Variants in ERI3 observed in about 807,000 individuals in gnomAD.
ERI3 encodes ERI1 exoribonuclease 3.
ERI3 carries 18 observed loss-of-function variants against 44.4 expected under a neutral mutation model. The ratio of observed to expected loss-of-function variants is 0.41; its 90% confidence interval spans 0.28 to 0.60. ERI3 has a LOEUF of 0.60. Ranked by LOEUF, ERI3 falls within the 20% of genes least tolerant of loss-of-function variation. ERI3 has a pLI of 0.36. For missense variants in ERI3, 294 were observed against 435.5 expected, an observed-to-expected ratio of 0.68 and a Z score of 2.89; for synonymous variants, 183 against 164.8, an observed-to-expected ratio of 1.11 and a Z score of -0.84.
chr1:44,333,059 A>C (rs1319023922), intron 3 of ERI3, among the ~76,000 whole-genome samples: 1 of 152,228 alleles, frequency 6.6e-6, no homozygotes, highest in African/African-American at 2.4e-5. Flanking sequence ...GAGCCTGTAC[A>C]AGAACACTTA....
intron 2 of ERI3, among the ~76,000 whole-genome samples, chr1:44,347,905 G>T (rs1646816357): frequency 6.6e-6 from 1 of 151,848 alleles, no homozygotes; most frequent in African/African-American, 2.4e-5. Flanking sequence ...GTGTGTGTGT[G>T]TTTTAATCTA....
intron 2 of ERI3, among the ~76,000 whole-genome samples, chr1:44,342,857 A>ATATATT (rs1646709018): frequency 5.2e-5 from 1 of 19,176 alleles, no homozygotes; most frequent in African/African-American, 2.0e-4. Context: ...ATATATATAT[A>ATATATT]TTTTTTTTTT....
At chr1:44,233,300 C>T (rs933509984) in intron 8 of ERI3, among the ~76,000 whole-genome samples, 1 of 152,100 alleles carries the variant, frequency 6.6e-6, no homozygotes, top group Non-Finnish European at 1.5e-5. Context: ...CCCATGCAAA[C>T]AATCTTATCT....
intron 8 of ERI3, among the ~76,000 whole-genome samples, chr1:44,236,454 G>A (rs866911945): frequency 5.9e-5 from 9 of 152,238 alleles, no homozygotes; most frequent in Middle Eastern, 6.8e-3. Flanking sequence ...AAAAGTACAC[G>A]GGGAAAGGGG....
Position 44,352,857 on chromosome 1 carries a change from T to C in ERI3, c.204A>G (p.Val68=), listed in dbSNP as rs747247749. 29 of 1,614,148 alleles carry C rather than the reference T, an allele frequency of 1.8e-5. 1 individual carries two copies. The Middle Eastern group carries it at 4.1e-3, about 230-fold the overall frequency. ...SPAAGLGIFE[V]RRVLDASGCS... Reference sequence around the variant, plus strand: ...ATGCAACAGGATTCTCACCTCTCCTTACTTCGAAGATGCCAAGACCGGCAG... The same window carrying C: ...ATGCAACAGGATTCTCACCTCTCCTCACTTCGAAGATGCCAAGACCGGCAG... The change falls in exon 2 of 9, where the codon GTA becomes GTG. Residue 68 remains valine (V), a synonymous_variant. Coordinates refer to ENST00000372257, the MANE Select transcript of ERI3 (RefSeq NM_024066.3).
chr1:44,239,795 G>GGAGGGAGAA (rs1395260478), intron 8 of ERI3, among the ~76,000 whole-genome samples: 102 of 152,336 alleles, frequency 6.7e-4, no homozygotes, highest in African/African-American at 2.4e-3. Flanking sequence ...AGGAGGGAGA[G>GGAGGGAGAA]GAGGGAGAGG....
chr1:44,264,171 A>C (rs888933486), intron 7 of ERI3, among the ~76,000 whole-genome samples: 5 of 152,232 alleles, frequency 3.3e-5, no homozygotes, highest in Non-Finnish European at 7.3e-5. Flanking sequence ...AGAGCTAATA[A>C]ATCTTGCATG....
At chr1:44,304,809 T>A (rs1015737876) in intron 6 of ERI3, among the ~76,000 whole-genome samples, 1 of 152,192 alleles carries the variant, frequency 6.6e-6, no homozygotes, top group East Asian at 1.9e-4. Flanking sequence ...TGAAGTGAAC[T>A]TCAGGTCCAC....
In ERI3 at chr1:44,355,095, G is replaced by A. The variant is rs909633986; in HGVS notation, c.-69C>T. 9.5e-6 allele frequency: 12 copies of A among 1,262,754 alleles called. No individual in the cohort carries two copies. Among genetic ancestry groups the A allele is most frequent in the African/African-American group, 3.1e-5 (2 of 64,592 alleles). The allele number at this position is 1,262,754 out of a possible 1,614,324, so 78.2% of individuals were successfully genotyped here. On this transcript the variant is annotated 5_prime_UTR_variant, in exon 1 of 9. Transcript: ENST00000372257. ...GGTGCAGGCCCCGACGTCTCCCTCG[G>A]CCTCAGCAAGCGCTCAGGGCAGTTG...
At chr1:44,344,903 T>A (rs1421717975) in intron 2 of ERI3, among the ~76,000 whole-genome samples, 1 of 152,118 alleles carries the variant, frequency 6.6e-6, no homozygotes, top group African/African-American at 2.4e-5. Context: ...GAGGGGTAAA[T>A]GGGACTGCCA....
At chr1:44,331,876 C>T (rs1016182386) in intron 3 of ERI3, among the ~76,000 whole-genome samples, 1 of 152,172 alleles carries the variant, frequency 6.6e-6, no homozygotes. Context: ...ATGCAGCCCT[C>T]CCCCACACTG....
intron 4 of ERI3, among the ~76,000 whole-genome samples, 193 bp from the exon 5 acceptor site, chr1:44,313,421 C>A (rs1646015451): frequency 6.6e-6 from 1 of 152,124 alleles, no homozygotes; most frequent in Non-Finnish European, 1.5e-5. Context: ...TGTGCTTCTC[C>A]CATAATATCC....
At chr1:44,266,082 G>A (rs1644985632) in intron 7 of ERI3, among the ~76,000 whole-genome samples, 1 of 152,182 alleles carries the variant, frequency 6.6e-6, no homozygotes, top group East Asian at 1.9e-4. Context: ...AGAAGTGCAA[G>A]AAACCCACAG....
intron 8 of ERI3, among the ~76,000 whole-genome samples, chr1:44,225,679 G>C (rs775784403): frequency 3.3e-5 from 5 of 152,142 alleles, no homozygotes; most frequent in African/African-American, 4.8e-5. Context: ...CCACACAGAA[G>C]GGTTGCTCAG....
In ERI3 at chr1:44,319,715, T is replaced by C; in HGVS notation, c.519A>G (p.Leu173=). 3 of 1,614,160 alleles carry C rather than the reference T, an allele frequency of 1.9e-6. No homozygotes were observed. Among genetic ancestry groups the C allele is most frequent in the Non-Finnish European group, 2.5e-6 (3 of 1,179,986 alleles). ...ACTCAATCTCCATGGTCCGGCCATT[T>C]AGCTTTAGGATGGGGAACTCGATGA... is the stretch of plus-strand genomic sequence containing the variant. The part of the protein sequence containing the change: ...QEIIEFPILK[L]NGRTMEIEST... The change falls in exon 4 of 9, where the codon CTA becomes CTG. Residue 173 remains leucine (L), a synonymous_variant. Transcript: ENST00000372257.
chr1:44,285,420 A>G (rs1645374021), intron 6 of ERI3, among the ~76,000 whole-genome samples: 1 of 152,170 alleles, frequency 6.6e-6, no homozygotes, highest in African/African-American at 2.4e-5. Context: ...AGATAGGAGG[A>G]GAGAAAGGCA....
Position 44,339,165 on chromosome 1 carries a change from C to T in ERI3, c.369G>A (p.Leu123=), listed in dbSNP as rs1419886419. 6.2e-7 allele frequency: 1 copy of T among 1,614,000 alleles called. No individual in the cohort carries two copies. Among genetic ancestry groups the T allele is most frequent in the East Asian group, 2.2e-5 (1 of 44,868 alleles). The part of the protein sequence containing the change: ...PEFCSISTRK[L]AAHGFGASMA... ...TGGATGCGCCAAAGCCGTGGGCCGCCAGCTTTCTGGTGGATATGGAGCAGA... is the reference window on the plus strand; with the variant it reads ...TGGATGCGCCAAAGCCGTGGGCCGCTAGCTTTCTGGTGGATATGGAGCAGA... Residue 123 remains leucine, a synonymous_variant, in exon 3 of 9, where the codon CTG becomes CTA. Coordinates refer to ENST00000372257, the MANE Select transcript of ERI3 (RefSeq NM_024066.3).
intron 1 of ERI3, chr1:44,353,180 T>C (rs997737327): frequency 1.2e-5 from 12 of 985,022 alleles, no homozygotes; most frequent in African/African-American, 3.5e-5. Flanking sequence ...CCGAGAAAGA[T>C]AGCTATGAAG....
chr1:44,273,498 G>T (rs4660782), intron 7 of ERI3, among the ~76,000 whole-genome samples: 28,528 of 152,192 alleles, frequency 0.19, 3,114 homozygotes, highest in South Asian at 0.4. Context: ...AGACTCTGGA[G>T]CTCATCAGTC....
Sources: allele counts gnomAD v4.1 joint callset (sites outside exome capture counted in the v4.1 genomes callset), GRCh38; gene constraint gnomAD v4.1.1; transcripts MANE v1.5; gene names NCBI Gene and HGNC (gene_info 2026-07-23, HGNC 2026-07-21).